The following CNTNAP2 variants were observed in gnomAD, a reference collection of about 807,000 sequenced individuals.
CNTNAP2 encodes the protein contactin-associated protein-like 2.
Under a neutral mutation model 155.2 loss-of-function variants are expected in CNTNAP2, and 98 were observed. The observed-to-expected ratio is 0.63, with a 90% confidence interval of 0.54 to 0.75. CNTNAP2 has a LOEUF of 0.75. Ranked by LOEUF, CNTNAP2 falls within the 30% of genes least tolerant of loss-of-function variation. The pLI is 0.00. For synonymous variants in CNTNAP2, 651 were observed against 631.2 expected (o/e 1.03, Z -0.47); for missense variants, 1,727 against 1,688.1 (o/e 1.02, Z -0.40).
chr7:146,431,615 A>G (rs916469109), intron 1 of CNTNAP2, among the ~76,000 whole-genome samples: 2 of 152,086 alleles, frequency 1.3e-5, no homozygotes, highest in East Asian at 1.9e-4. Context: ...TAATAGATCA[A>G]TGAGTTAAGT....
intron 14 of CNTNAP2, among the ~76,000 whole-genome samples, chr7:147,953,946 G>C (rs763417060): frequency 6.6e-6 from 1 of 152,078 alleles, no homozygotes; most frequent in African/African-American, 2.4e-5. Flanking sequence ...AGGTCATATC[G>C]AGAAGTACCA....
intron 15 of CNTNAP2, among the ~76,000 whole-genome samples, chr7:148,024,090 T>C (rs1186700148): frequency 6.8e-6 from 1 of 148,070 alleles, no homozygotes; most frequent in African/African-American, 2.5e-5. Flanking sequence ...GGGAGTACAA[T>C]TTACAAATAG....
chr7:147,594,173 C>T (rs945759563), intron 12 of CNTNAP2, among the ~76,000 whole-genome samples: 3 of 132,498 alleles, frequency 2.3e-5, no homozygotes, highest in East Asian at 4.6e-4. Context: ...AGTCACCAGG[C>T]TGGAGTACAG....
chr7:146,155,842 G>A (rs1283610648), intron 1 of CNTNAP2, among the ~76,000 whole-genome samples: 1 of 151,810 alleles, frequency 6.6e-6, no homozygotes, highest in African/African-American at 2.4e-5. Flanking sequence ...TGGGATTACA[G>A]GTGCCCACCA....
chr7:147,859,280 C>A (rs528230300), intron 13 of CNTNAP2, among the ~76,000 whole-genome samples: 48 of 152,096 alleles, frequency 3.2e-4, no homozygotes, highest in African/African-American at 1.0e-3. Context: ...CTGCCAAGTT[C>A]TAGTCATCTG....
intron 1 of CNTNAP2, among the ~76,000 whole-genome samples, chr7:146,191,123 C>T (rs1798696888): frequency 6.6e-6 from 1 of 152,106 alleles, no homozygotes; most frequent in Non-Finnish European, 1.5e-5. Context: ...ATCGGGGGAA[C>T]CACCCCTGAT....
chr7:147,543,322 G>A (rs1048450302), intron 11 of CNTNAP2, among the ~76,000 whole-genome samples: 14 of 152,136 alleles, frequency 9.2e-5, no homozygotes, highest in African/African-American at 2.4e-4. Context: ...TGCCCTGGGC[G>A]GGCTAAGTGT....
Position 148,228,433 on chromosome 7 carries a change from A to C in CNTNAP2, c.3248-1213A>C, listed in dbSNP as rs117603749. On this transcript the variant is annotated intron_variant, in intron 19 of 23. Coordinates refer to ENST00000361727, the MANE Select transcript of CNTNAP2 (RefSeq NM_014141.6). ...AAAAAGGGACTCAGGGGACCAGGGA[A>C]AGCCATCTTTCCTGTTGATTTGCAT... 2.0e-3 allele frequency among the ~76,000 whole-genome samples: 301 copies of C among 152,268 alleles called. 2 individuals carry two copies. The highest frequency in any genetic ancestry group is 3.5e-3 in the Non-Finnish European group (241 of 68,022).
intron 11 of CNTNAP2, among the ~76,000 whole-genome samples, chr7:147,488,989 T>C (rs747830783): frequency 2.0e-5 from 3 of 152,232 alleles, no homozygotes; most frequent in Non-Finnish European, 2.9e-5. Flanking sequence ...AGAGCAATTG[T>C]CCTTTTCCTT....
intron 2 of CNTNAP2, among the ~76,000 whole-genome samples, chr7:146,798,709 T>C (rs979528935): frequency 6.6e-5 from 10 of 152,184 alleles, no homozygotes; most frequent in African/African-American, 1.7e-4. Context: ...CAACTGACAA[T>C]GTAACTAATA....
intron 3 of CNTNAP2, among the ~76,000 whole-genome samples, chr7:146,970,970 C>G (rs1050490912): frequency 1.3e-5 from 2 of 151,984 alleles, no homozygotes; most frequent in African/African-American, 4.8e-5. Flanking sequence ...AACAAAAAAC[C>G]AAACACTGCA....
At chr7:148,129,299 C>A (rs1449811482) in intron 16 of CNTNAP2, among the ~76,000 whole-genome samples, 2 of 152,202 alleles carry the variant, frequency 1.3e-5, no homozygotes, top group East Asian at 1.9e-4. Flanking sequence ...AAAGACATTA[C>A]ATTGTACATA....
intron 13 of CNTNAP2, among the ~76,000 whole-genome samples, chr7:147,653,153 G>C (rs758342646): frequency 3.9e-5 from 6 of 152,134 alleles, no homozygotes; most frequent in Non-Finnish European, 8.8e-5. Context: ...CATATGAATT[G>C]TATATTGATT....
intron 10 of CNTNAP2, among the ~76,000 whole-genome samples, chr7:147,455,331 A>T (rs1022194541): frequency 2.0e-5 from 3 of 152,148 alleles, no homozygotes; most frequent in Non-Finnish European, 4.4e-5. Flanking sequence ...ATTACTAAAA[A>T]TATATTTGTT....
Position 148,022,265 on chromosome 7 carries a change from C to G in CNTNAP2, c.2383+44276C>G, listed in dbSNP as rs376842072. 3.3e-5 allele frequency among the ~76,000 whole-genome samples: 5 copies of G among 152,040 alleles called. No individual in the cohort carries two copies. The East Asian group carries it at 7.8e-4, about 24-fold the overall frequency. ...GGCAGATTGCCTGAGCTCAGGAGTTCGAGACCAGCCCGGGAAACGCGGTGA... is the reference window on the plus strand; with the variant it reads ...GGCAGATTGCCTGAGCTCAGGAGTTGGAGACCAGCCCGGGAAACGCGGTGA... On this transcript the variant is annotated intron_variant, in intron 15 of 23. Transcript: ENST00000361727.
chr7:146,912,547 T>A (rs973945752), intron 3 of CNTNAP2, among the ~76,000 whole-genome samples: 1 of 152,146 alleles, frequency 6.6e-6, no homozygotes, highest in African/African-American at 2.4e-5. Flanking sequence ...TACATCAATT[T>A]ATATTGAAAT....
chr7:148,101,475 G>T (rs1804099669), intron 15 of CNTNAP2, among the ~76,000 whole-genome samples: 1 of 151,864 alleles, frequency 6.6e-6, no homozygotes, highest in Admixed American at 6.6e-5. Flanking sequence ...CCATTCTCCA[G>T]TACTAAATGC....
chr7:147,155,533 G>A (rs1334681818), intron 8 of CNTNAP2, among the ~76,000 whole-genome samples: 2 of 152,012 alleles, frequency 1.3e-5, no homozygotes, highest in Admixed American at 1.3e-4. Context: ...ATGAATGTTG[G>A]CAGGGATGTA....
At chr7:147,896,069 T>C (rs1799770972) in intron 13 of CNTNAP2, among the ~76,000 whole-genome samples, 1 of 152,234 alleles carries the variant, frequency 6.6e-6, no homozygotes, top group Admixed American at 6.5e-5. Flanking sequence ...ATATGAAGAC[T>C]AAAGTATTGT....
Sources: gnomAD v4.1 joint callset for allele counts (sites outside exome capture counted in the v4.1 genomes callset) on GRCh38, gnomAD v4.1.1 for gene constraint, MANE v1.5 for transcripts, NCBI Gene and HGNC (gene_info 2026-07-23, HGNC 2026-07-21) for gene names.